Variants in GNG2 observed in about 807,000 individuals in gnomAD.
GNG2 encodes G protein subunit gamma 2.
In GNG2, 5 loss-of-function variants were observed where a neutral mutation model predicts 5.5. The observed-to-expected ratio is 0.91, with a 90% CI of 0.48 to 1.92. The LOEUF is 1.92. Ranked by LOEUF, GNG2 falls within the 30% of genes most tolerant of loss-of-function variation. The pLI, the probability that GNG2 is intolerant of heterozygous loss-of-function variation, is 0.01. For missense variants in GNG2, 55 were observed against 88.4 expected, an observed-to-expected ratio of 0.62 and a Z score of 1.52; for synonymous variants, 28 against 32.0, an observed-to-expected ratio of 0.88 and a Z score of 0.42.
intron 2 of GNG2, among the ~76,000 whole-genome samples, chr14:51,941,496 A>G (rs909989627): frequency 2.6e-5 from 4 of 152,240 alleles, no homozygotes; most frequent in African/African-American, 9.6e-5. Flanking sequence ...ATACCAAAAC[A>G]CAGTCCTGAG....
intron 2 of GNG2, among the ~76,000 whole-genome samples, chr14:51,850,534 A>G (rs1881856628): frequency 6.6e-6 from 1 of 152,244 alleles, no homozygotes; most frequent in Non-Finnish European, 1.5e-5. Context: ...GATTACAAGC[A>G]GAAAAACATT....
chr14:51,918,037 CAAAA>C (rs34991244), intron 2 of GNG2, among the ~76,000 whole-genome samples: 1 of 93,872 alleles, frequency 1.1e-5, no homozygotes, highest in Non-Finnish European at 2.7e-5. Flanking sequence ...AAAAACAAAC[CAAAA>C]AAAAAAAAAA....
intron 2 of GNG2, 100 bp from the exon 3 acceptor site, chr14:51,950,550 G>A (rs901062106): frequency 8.4e-6 from 6 of 711,966 alleles, no homozygotes; most frequent in Non-Finnish European, 1.4e-5. Flanking sequence ...GCCAGGCCTG[G>A]CTACAGCCAC....
chr14:51,842,885 G>C (rs374834956), intron 2 of GNG2, among the ~76,000 whole-genome samples: 4 of 151,976 alleles, frequency 2.6e-5, no homozygotes, highest in Non-Finnish European at 5.9e-5. Flanking sequence ...GGCTGGTCCC[G>C]AACTCCTGAC....
intron 2 of GNG2, among the ~76,000 whole-genome samples, chr14:51,834,904 A>G (rs1263009951): frequency 6.6e-6 from 1 of 152,208 alleles, no homozygotes; most frequent in Non-Finnish European, 1.5e-5. Context: ...CCTGGTTTAA[A>G]GTTACCCTAA....
intron 2 of GNG2, among the ~76,000 whole-genome samples, chr14:51,915,387 C>A (rs1886559475): frequency 6.6e-6 from 1 of 152,182 alleles, no homozygotes; most frequent in South Asian, 2.1e-4. Flanking sequence ...TGTTTTGCTT[C>A]TTGTAAACTG....
intron 3 of GNG2, among the ~76,000 whole-genome samples, chr14:51,961,473 G>A (rs1285257631): frequency 6.6e-6 from 1 of 152,174 alleles, no homozygotes; most frequent in African/African-American, 2.4e-5. Context: ...AAATAACACA[G>A]GTGTGGTTCC....
chr14:51,951,824 G>A (rs1333032146), intron 3 of GNG2: 5 of 696,722 alleles, frequency 7.2e-6, no homozygotes, highest in South Asian at 1.5e-5. Context: ...GCAGAGTAGG[G>A]TGGTTGTAAC....
intron 2 of GNG2, among the ~76,000 whole-genome samples, chr14:51,852,006 CA>C (rs1475569213): frequency 1.3e-5 from 2 of 150,880 alleles, no homozygotes; most frequent in African/African-American, 2.4e-5. Context: ...TCAGTTTATG[CA>C]AATCTACTTT....
chr14:51,829,260 A>C (rs1394376759), intron 2 of GNG2, among the ~76,000 whole-genome samples: 1 of 152,134 alleles, frequency 6.6e-6, no homozygotes, highest in African/African-American at 2.4e-5. Context: ...GCACCTTCTC[A>C]GTCATCATCT....
intron 2 of GNG2, chr14:51,918,515 A>C (rs1365831516): frequency 6.6e-6 from 1 of 152,234 alleles, no homozygotes; most frequent in Non-Finnish European, 1.5e-5. Context: ...ACAGTTGTAC[A>C]TCTATGGTGT....
chr14:51,927,026 C>T (rs1887371160), intron 2 of GNG2, among the ~76,000 whole-genome samples: 1 of 152,216 alleles, frequency 6.6e-6, no homozygotes, highest in South Asian at 2.1e-4. Context: ...AAGCTGATGT[C>T]ATTTTGAATT....
intron 2 of GNG2, among the ~76,000 whole-genome samples, chr14:51,907,811 C>T (rs1433993783): frequency 6.6e-6 from 1 of 152,152 alleles, no homozygotes. Context: ...GAGGAGAGAA[C>T]AGAATACCCT....
At position 51,951,721 on chromosome 14, in the gene GNG2, G is replaced by A. The variant is rs1416080729; in HGVS notation, c.87+956G>A. ...AGGGTCAATAAAATTTGGCTCATGG[G>A]CCAAAGCCAGCCCACTGCCTATGTT... On this transcript the variant is annotated intron_variant, in intron 3 of 3. Coordinates refer to ENST00000556766, the MANE Select transcript of GNG2 (RefSeq NM_053064.5). Among the ~76,000 whole-genome samples, 11 of 152,292 alleles carry A rather than the reference G, an allele frequency of 7.2e-5. No homozygotes were observed. The South Asian group carries it at 1.9e-3, about 26-fold the overall frequency.
chr14:51,859,086 C>T (rs1412703388), upstream of GNG2, among the ~76,000 whole-genome samples: 1 of 152,176 alleles, frequency 6.6e-6, no homozygotes, highest in Non-Finnish European at 1.5e-5. Context: ...AGATTTCTAA[C>T]ATTTCCTGTT....
chr14:51,857,954 T>A (rs906989085), upstream of GNG2, among the ~76,000 whole-genome samples: 26 of 152,216 alleles, frequency 1.7e-4, no homozygotes, highest in Admixed American at 1.6e-3. Context: ...GCCAAAATTA[T>A]GTCCTCCTCA....
rs568054593 is a variant in GNG2, at chr14:51,901,937, T to C, written c.-30+24280T>C. The stretch of plus-strand genomic sequence containing the variant: ...ATCACTTAGCTAGGTGATAGCTACA[T>C]CAACTAAGATCACAATAACAATCTG... On this transcript the variant is annotated intron_variant, in intron 2 of 3. Transcript: ENST00000556766. 6.7e-5 allele frequency among the ~76,000 whole-genome samples: 6 copies of C among 89,640 alleles called. No homozygotes were observed. The South Asian group carries it at 2.3e-3, about 35-fold the overall frequency. 58.8% of individuals were successfully genotyped at this position (89,640 alleles called of 152,430 possible).
chr14:51,951,464 G>A (rs112997950), intron 3 of GNG2, among the ~76,000 whole-genome samples: 3,391 of 152,234 alleles, frequency 0.022, 132 homozygotes, highest in African/African-American at 0.076. Flanking sequence ...TTAATAGATA[G>A]CTATGGCACG....
intron 2 of GNG2, among the ~76,000 whole-genome samples, chr14:51,842,958 C>A (rs1200583272): frequency 6.6e-6 from 1 of 152,170 alleles, no homozygotes; most frequent in East Asian, 1.9e-4. Flanking sequence ...AGCCACCACG[C>A]CTGGCCTATT....
Sources: gnomAD v4.1 joint callset for allele counts (sites outside exome capture counted in the v4.1 genomes callset) on GRCh38, gnomAD v4.1.1 for gene constraint, MANE v1.5 for transcripts, NCBI Gene and HGNC (gene_info 2026-07-23, HGNC 2026-07-21) for gene names.